Variants in WDR59 observed in about 807,000 individuals in gnomAD.
WDR59 encodes GATOR2 complex protein WDR59.
A neutral mutation model predicts 131.2 loss-of-function variants in WDR59; 100 were observed. That is an observed-to-expected ratio of 0.76 (90% CI 0.65 to 0.90). The LOEUF is 0.90. WDR59 is among the 40% of genes least tolerant of loss of function. The probability of loss-of-function intolerance (pLI) is 0.00; values close to 1 mark genes in which losing one functional copy is unlikely to be tolerated. For missense variants in WDR59, 1,203 were observed against 1,262.2 expected (o/e 0.95, Z 0.71); for synonymous variants, 601 against 466.2 (o/e 1.29, Z -3.72).
chr16:74,964,406 AG>A (rs2033683393), intron 2 of WDR59, among the ~76,000 whole-genome samples: 2 of 150,452 alleles, frequency 1.3e-5, no homozygotes, highest in Admixed American at 1.3e-4. Context: ...AGGGAGCTGG[AG>A]GCAGAAAAGA....
In WDR59 at chr16:74,888,297, GGA is replaced by G; in HGVS notation, c.2216_2217del (p.Leu739ProfsTer11). ...LESLLAHYCR[L>X]RDVQTLAMLC... ...AGCATCGCCAGTGTCTGAACATCCCGGAGCCGGCAATAGTGAGCCAACCTGAG... is the reference window on the plus strand; with the variant it reads ...AGCATCGCCAGTGTCTGAACATCCCGGCCGGCAATAGTGAGCCAACCTGAG... On this transcript the variant is annotated frameshift_variant, in exon 22 of 26. Transcript: ENST00000262144. LOFTEE classifies it high-confidence loss of function. 6.2e-7 allele frequency: 1 copy of G among 1,613,522 alleles called. No homozygotes were observed. The highest frequency in any genetic ancestry group is 8.5e-7 in the Non-Finnish European group (1 of 1,179,788).
chr16:74,976,864 C>G (rs975638712), intron 1 of WDR59, among the ~76,000 whole-genome samples: 2 of 152,030 alleles, frequency 1.3e-5, no homozygotes, highest in African/African-American at 4.8e-5. Context: ...AACATTAGCC[C>G]GGCCTGGTGG....
intron 8 of WDR59, among the ~76,000 whole-genome samples, chr16:74,924,630 T>G (rs1053076019): frequency 6.6e-6 from 1 of 152,168 alleles, no homozygotes. Context: ...CAAACTACCT[T>G]AGAGACACCT....
At chr16:74,932,635 T>C (rs1052726087) in intron 8 of WDR59, among the ~76,000 whole-genome samples, 3 of 152,100 alleles carry the variant, frequency 2.0e-5, no homozygotes, top group African/African-American at 7.2e-5. Flanking sequence ...ACTACTGGTA[T>C]GCACCATCAC....
intron 8 of WDR59, among the ~76,000 whole-genome samples, chr16:74,924,740 A>G (rs4888313): frequency 0.37 from 55,820 of 151,898 alleles, 10,274 homozygotes; most frequent in African/African-American, 0.42. Flanking sequence ...AGTTTAGGAA[A>G]TTTTTTCAAA....
At chr16:74,980,174 T>C (rs1168747321) in intron 1 of WDR59, among the ~76,000 whole-genome samples, 2 of 150,556 alleles carry the variant, frequency 1.3e-5, no homozygotes, top group Non-Finnish European at 1.5e-5. Flanking sequence ...TTTCTTATAG[T>C]GTTAACACTC....
rs1690026772 is a variant in WDR59 at position 74,921,972 on chromosome 16, C to T, written c.861G>A (p.Glu287=). Residue 287 remains glutamate, a synonymous_variant, in exon 10 of 26, where the codon GAG becomes GAA. Coordinates refer to ENST00000262144, the MANE Select transcript of WDR59 (RefSeq NM_030581.4). The part of the protein sequence containing the change: ...TFVGHDDVVL[E]FQWRKQKEGS... The stretch of plus-strand genomic sequence containing the variant: ...CTTCCTTCTGCTTCCTCCACTGGAA[C>T]TCCAGGACCACATCATCATGCCCCA... The T allele has an allele frequency of 1.9e-6, 3 of 1,614,150 alleles. No individual in the cohort carries two copies. Among genetic ancestry groups the T allele is most frequent in the Non-Finnish European group, 2.5e-6 (3 of 1,180,012 alleles).
chr16:74,941,292 A>C (rs1043146090), intron 7 of WDR59, among the ~76,000 whole-genome samples: 50 of 148,356 alleles, frequency 3.4e-4, no homozygotes, highest in Middle Eastern at 3.5e-3. Flanking sequence ...AGTGAGCCAT[A>C]GTTACACTAC....
chr16:74,954,273 T>C (rs951838274), intron 3 of WDR59, among the ~76,000 whole-genome samples: 2 of 151,824 alleles, frequency 1.3e-5, no homozygotes, highest in South Asian at 4.2e-4. Context: ...CCAGGCGTGA[T>C]CATGTGTGCT....
Position 74,909,620 on chromosome 16 carries a change from A to T in WDR59, c.1523T>A (p.Leu508His). The T allele has an allele frequency of 6.3e-7, 1 of 1,595,608 alleles. No individual in the cohort carries two copies. The highest frequency in any genetic ancestry group is 8.5e-7 in the Non-Finnish European group (1 of 1,172,712). ...TAAGGGGGGAGTGACAGAGTTGGGG[A>T]GTGCAAACGGGTTGCTGGAAGCGCT... is the stretch of plus-strand genomic sequence containing the variant. ...EDSASSNPFA[L>H]PNSVTPPLPT... The change falls in exon 16 of 26, where the codon CTC (leucine) becomes CAC (histidine). Residue 508 changes from leucine to histidine, a missense_variant. Leu to His is a moderately conservative substitution (Grantham distance 99, BLOSUM62 -3). Transcript: ENST00000262144.
At chr16:74,958,137 G>T (rs1330558364) in intron 2 of WDR59, among the ~76,000 whole-genome samples, 1 of 152,090 alleles carries the variant, frequency 6.6e-6, no homozygotes, top group Non-Finnish European at 1.5e-5. Context: ...GCAGAAAGTG[G>T]GCACTTCAGG....
intron 2 of WDR59, among the ~76,000 whole-genome samples, chr16:74,964,429 T>C (rs540341887): frequency 2.1e-4 from 32 of 151,102 alleles, no homozygotes; most frequent in African/African-American, 7.8e-4. Context: ...ATACCAACTT[T>C]CCCTTATCTA....
In WDR59 at chr16:74,973,567, C is replaced by T. The variant is rs1022627120; in HGVS notation, c.55-7745G>A. Among the ~76,000 whole-genome samples, 8 of 149,806 alleles carry T rather than the reference C, an allele frequency of 5.3e-5. No homozygotes were observed. The South Asian group carries it at 8.5e-4, about 16-fold the overall frequency. On this transcript the variant is annotated intron_variant, in intron 1 of 25. Transcript: ENST00000262144. Reference sequence around the variant, plus strand: ...CTCTCAAAGTGCTAAGATTACAAGGCGTGAGCCACCATGCTTGGCCCAACA... The same window carrying T: ...CTCTCAAAGTGCTAAGATTACAAGGTGTGAGCCACCATGCTTGGCCCAACA...
chr16:74,910,014 C>CTGGA (rs2144927709), intron 14 of WDR59, 97 bp from the exon 15 acceptor site: 1 of 1,064,028 alleles, frequency 9.4e-7, no homozygotes, highest in Admixed American at 2.9e-5. Context: ...GTTGCCCAGG[C>CTGGA]TGGAGTGTAG....
chr16:74,957,201 C>G (rs530910914), intron 2 of WDR59, among the ~76,000 whole-genome samples: 5 of 151,884 alleles, frequency 3.3e-5, no homozygotes, highest in Admixed American at 3.3e-4. Flanking sequence ...CTACCTCAGC[C>G]TTCCGGGTAG....
At chr16:74,899,688 C>T in intron 18 of WDR59, 11 of 1,288,984 alleles carry the variant, frequency 8.5e-6, no homozygotes, top group Non-Finnish European at 9.1e-6. Flanking sequence ...ATTTGCACAG[C>T]GCACAGTACC....
intron 8 of WDR59, among the ~76,000 whole-genome samples, chr16:74,928,587 T>C (rs1200412189): frequency 6.6e-6 from 1 of 152,040 alleles, no homozygotes; most frequent in Non-Finnish European, 1.5e-5. Flanking sequence ...AGTTATGCAA[T>C]TATCCTTAGT....
At position 74,958,620 on chromosome 16, in the gene WDR59, A is replaced by AAAAAAAAAAC. The variant is rs1199806175; in HGVS notation, c.105-2011_105-2010insGTTTTTTTTT. 3.5e-4 allele frequency among the ~76,000 whole-genome samples: 49 copies of AAAAAAAAAAC among 141,148 alleles called. 1 individual carries two copies. The highest frequency in any genetic ancestry group is 1.1e-3 in the African/African-American group (41 of 38,036). 92.6% of individuals were successfully genotyped at this position (141,148 alleles called of 152,430 possible). On this transcript the variant is annotated intron_variant, in intron 2 of 25. Transcript: ENST00000262144. ...AAAAAAAAAAAAAAAAAAAAAAAAAACAAGCTAAATAAAGCCAAAGTACAT... is the reference window on the plus strand; with the variant it reads ...AAAAAAAAAAAAAAAAAAAAAAAAAAAAAAAAAAACCAAGCTAAATAAAGCCAAAGTACAT...
rs750042296 is a variant in WDR59 at position 74,885,831 on chromosome 16, T to G, written c.2547-36A>C. The G allele has an allele frequency of 1.9e-6, 3 of 1,603,292 alleles. No homozygotes were observed. The South Asian group carries it at 3.4e-5, about 18-fold the overall frequency. ...TTAAAAAGATTTCCTGTCAGTTCCT[T>G]TAAGAAAAAACAAGCTTCATCCTAA... is the stretch of plus-strand genomic sequence containing the variant. On this transcript the variant is annotated intron_variant, in intron 24 of 25. Transcript: ENST00000262144.
Sources: gnomAD v4.1 joint callset for allele counts (sites outside exome capture counted in the v4.1 genomes callset) on GRCh38, gnomAD v4.1.1 for gene constraint, MANE v1.5 for transcripts, NCBI Gene and HGNC (gene_info 2026-07-23, HGNC 2026-07-21) for gene names.